Variants in ZNF112 observed in about 807,000 individuals in gnomAD.
The protein encoded by ZNF112 is zinc finger protein 112.
In ZNF112, 37 loss-of-function variants were observed where a neutral mutation model predicts 77.7. The observed-to-expected ratio is 0.48, with a 90% confidence interval of 0.37 to 0.63. The LOEUF (loss-of-function observed/expected upper bound fraction) is 0.63, where lower values mean the gene tolerates loss of function less well. ZNF112 is among the 20% of genes least tolerant of loss of function. The pLI is 0.00. For synonymous variants in ZNF112, 333 were observed against 363.6 expected (o/e 0.92, Z 0.96); for missense variants, 950 against 1,077.4 (o/e 0.88, Z 1.66).
At chr19:44,330,519 T>C (rs1157853326) in intron 3 of ZNF112, among the ~76,000 whole-genome samples, 2 of 152,148 alleles carry the variant, frequency 1.3e-5, no homozygotes, top group Non-Finnish European at 1.5e-5. Flanking sequence ...GTGGATCACC[T>C]GAAGTCAGGA....
At chr19:44,351,463 T>C (rs960573769) in intron 1 of ZNF112, among the ~76,000 whole-genome samples, 3 of 152,164 alleles carry the variant, frequency 2.0e-5, no homozygotes, top group African/African-American at 7.2e-5. Flanking sequence ...AAAAATTTCT[T>C]TTCAAAGATA....
At chr19:44,355,245 G>A (rs1392340809) in intron 1 of ZNF112, among the ~76,000 whole-genome samples, 1 of 152,208 alleles carries the variant, frequency 6.6e-6, no homozygotes, top group East Asian at 1.9e-4. Flanking sequence ...TTAAACATGG[G>A]TGAAAATCCA....
At chr19:44,344,217 G>A (rs1225172281) in intron 1 of ZNF112, among the ~76,000 whole-genome samples, 3 of 152,164 alleles carry the variant, frequency 2.0e-5, no homozygotes, top group Non-Finnish European at 4.4e-5. Flanking sequence ...GGTTGTTTGT[G>A]GGGCTGCGTG....
chr19:44,334,741 T>A (rs182907220), intron 3 of ZNF112, among the ~76,000 whole-genome samples: 3 of 152,366 alleles, frequency 2.0e-5, no homozygotes, highest in African/African-American at 7.2e-5. Context: ...CTTGGCAGCT[T>A]CCACGTACTG....
At chr19:44,351,139 T>G (rs948699865) in intron 1 of ZNF112, among the ~76,000 whole-genome samples, 16 of 152,096 alleles carry the variant, frequency 1.1e-4, no homozygotes, top group African/African-American at 3.9e-4. Context: ...GCACTCCAAT[T>G]TCTGCTTCTG....
Position 44,337,384 on chromosome 19 carries a change from A to AT in ZNF112, c.125-667_125-666insA, listed in dbSNP as rs1568665622. 2.5e-4 allele frequency among the ~76,000 whole-genome samples: 12 copies of AT among 47,344 alleles called. 1 individual carries two copies. The highest frequency in any genetic ancestry group is 4.8e-4 in the Non-Finnish European group (10 of 20,744). The allele number at this position is 47,344 out of a possible 152,430, so 31.1% of individuals were successfully genotyped here. A position where few individuals can be genotyped will look rare whatever the true frequency, so the allele number is the denominator to read the frequency against. Reference sequence around the variant, plus strand: ...ATATTATTATATATATTTTATATATAATAATATATATAATATATATTTTAT... The same window carrying AT: ...ATATTATTATATATATTTTATATATATATAATATATATAATATATATTTTAT... On this transcript the variant is annotated intron_variant, in intron 2 of 3. Transcript: ENST00000354340.
At chr19:44,347,485 ATTTTTT>A (rs757226424) in intron 1 of ZNF112, among the ~76,000 whole-genome samples, 1 of 40,320 alleles carries the variant, frequency 2.5e-5, no homozygotes, top group African/African-American at 7.2e-5. Flanking sequence ...TTTTGGGTTG[ATTTTTT>A]TTTTTTTTTT....
At position 44,329,011 on chromosome 19, in the gene ZNF112, T is replaced by C. The variant is rs200288856; in HGVS notation, c.1146A>G (p.Glu382=). Residue 382 remains glutamate, a synonymous_variant, in exon 4 of 4, where the codon GAA becomes GAG. Transcript: ENST00000354340. ...TAAAGACATTCTCATTTTCCTCATA[T>C]TCATGGGGTTCATCCCTAGTATGGA... ...FRVHTRDEPH[E]YEENENVFNQ... is the part of the protein sequence containing the mutation. 1 of 1,613,954 alleles carries C rather than the reference T, an allele frequency of 6.2e-7. No homozygotes were observed. The highest frequency in any genetic ancestry group is 1.3e-5 in the African/African-American group (1 of 75,030).
At chr19:44,356,878 A>ATT (rs1415354649), upstream of ZNF112, among the ~76,000 whole-genome samples, 1 of 152,192 alleles carries the variant, frequency 6.6e-6, no homozygotes, top group Non-Finnish European at 1.5e-5. Context: ...CCTGGATGAT[A>ATT]TTTCACATGT....
intron 1 of ZNF112, among the ~76,000 whole-genome samples, chr19:44,341,779 C>T (rs1016327174): frequency 6.6e-6 from 1 of 152,154 alleles, no homozygotes; most frequent in Non-Finnish European, 1.5e-5. Flanking sequence ...TGTCTTGTAA[C>T]TTTTTGCTGT....
At chr19:44,331,804 T>C (rs1407753801) in intron 3 of ZNF112, among the ~76,000 whole-genome samples, 2 of 152,160 alleles carry the variant, frequency 1.3e-5, no homozygotes, top group East Asian at 3.8e-4. Flanking sequence ...ATGTAGCTTT[T>C]TAAATGGGAA....
chr19:44,335,554 T>C (rs1970350601), intron 3 of ZNF112, among the ~76,000 whole-genome samples: 1 of 152,220 alleles, frequency 6.6e-6, no homozygotes, highest in African/African-American at 2.4e-5. Flanking sequence ...GAAGGTAGAC[T>C]GGCACAGCAT....
At position 44,327,533 on chromosome 19, in the gene ZNF112, C is replaced by G; in HGVS notation, c.2624G>C (p.Arg875Thr). The change falls in exon 4 of 4, where the codon AGA (arginine) becomes ACA (threonine). Residue 875 changes from arginine (R) to threonine (T), a missense_variant. Coordinates refer to ENST00000354340, the MANE Select transcript of ZNF112 (RefSeq NM_013380.4). ...ATAGAATTTATCACTACTATGGACT[C>G]TTTGATGAATGAGAAGACCTGAGCT... The part of the protein sequence containing the change: ...RWSSGLLIHQ[R>T]VHSSDKFYKS... The G allele has an allele frequency of 6.2e-7, 1 of 1,614,008 alleles. No individual in the cohort carries two copies. Among genetic ancestry groups the G allele is most frequent in the Non-Finnish European group, 8.5e-7 (1 of 1,179,944 alleles).
upstream of ZNF112, among the ~76,000 whole-genome samples, chr19:44,359,992 C>T (rs10425694): frequency 0.034 from 5,186 of 152,116 alleles, 275 homozygotes; most frequent in African/African-American, 0.11. Context: ...CACGGTGGCT[C>T]ATGCCTGTAA....
chr19:44,330,177 A>C (rs1970244505), intron 3 of ZNF112, among the ~76,000 whole-genome samples: 1 of 152,204 alleles, frequency 6.6e-6, no homozygotes, highest in South Asian at 2.1e-4. Context: ...TTAATGTTCT[A>C]CATGATGTTC....
intron 1 of ZNF112, among the ~76,000 whole-genome samples, chr19:44,341,547 T>C (rs1970490245): frequency 6.6e-6 from 1 of 152,214 alleles, no homozygotes; most frequent in Non-Finnish European, 1.5e-5. Flanking sequence ...ACACTGGATA[T>C]GAAAGCTTTT....
At chr19:44,330,622 G>A (rs931561258) in intron 3 of ZNF112, among the ~76,000 whole-genome samples, 4 of 152,130 alleles carry the variant, frequency 2.6e-5, no homozygotes, top group East Asian at 1.9e-4. Context: ...TGTAGTCCCC[G>A]TTACTGAGGA....
At position 44,326,925 on chromosome 19, in the gene ZNF112, T is replaced by A. The variant is rs1442776738; in HGVS notation, c.*508A>T. On this transcript the variant is annotated 3_prime_UTR_variant, in exon 4 of 4. Transcript: ENST00000354340. The stretch of plus-strand genomic sequence containing the variant: ...TTCAGATCATCATAATGCTTATTGT[T>A]CTACATTTCAAATATTTACTTGAAA... 6.4e-6 allele frequency: 1 copy of A among 155,086 alleles called. No individual in the cohort carries two copies. The highest frequency in any genetic ancestry group is 1.9e-4 in the East Asian group (1 of 5,248). The allele number at this position is 155,086 out of a possible 1,614,324, so 9.6% of individuals were successfully genotyped here.
At chr19:44,333,083 AATTT>A (rs1283641020) in intron 3 of ZNF112, among the ~76,000 whole-genome samples, 1 of 152,232 alleles carries the variant, frequency 6.6e-6, no homozygotes, top group Non-Finnish European at 1.5e-5. Flanking sequence ...GAAGGTTGAG[AATTT>A]ATTACATCTT....
Sources: gnomAD v4.1 joint callset for allele counts (sites outside exome capture counted in the v4.1 genomes callset) on GRCh38, gnomAD v4.1.1 for gene constraint, MANE v1.5 for transcripts, NCBI Gene and HGNC (gene_info 2026-07-23, HGNC 2026-07-21) for gene names.